The following CLMP variants were observed in gnomAD, a reference collection of about 807,000 sequenced individuals.
The protein encoded by CLMP is CXADR like cell adhesion molecule.
CLMP carries 27 observed loss-of-function variants against 45.2 expected under a neutral mutation model. The observed-to-expected ratio is 0.60, with a 90% CI of 0.44 to 0.82. The LOEUF is 0.82. Ranked by LOEUF, CLMP falls within the 40% of genes least tolerant of loss-of-function variation. The pLI is 0.00. For missense variants in CLMP, 403 were observed against 448.4 expected, an observed-to-expected ratio of 0.90 and a Z score of 0.91; for synonymous variants, 167 against 171.4, an observed-to-expected ratio of 0.97 and a Z score of 0.20.
rs545023101 is a variant in CLMP at position 123,128,928 on chromosome 11, G to T, written c.29-30976C>A. ...CCCATTTTATAGATGATGAAACTGAGGCTTAGGGAAGTCAAAGAAATTGAC... is the reference window on the plus strand; with the variant it reads ...CCCATTTTATAGATGATGAAACTGATGCTTAGGGAAGTCAAAGAAATTGAC... On this transcript the variant is annotated intron_variant, in intron 1 of 6. Transcript: ENST00000448775. Among the ~76,000 whole-genome samples, 9 of 152,190 alleles carry T rather than the reference G, an allele frequency of 5.9e-5. No individual in the cohort carries two copies. The East Asian group carries it at 1.7e-3, about 29-fold the overall frequency.
chr11:123,074,474 G>A (rs1056963776), intron 6 of CLMP, among the ~76,000 whole-genome samples: 3 of 151,972 alleles, frequency 2.0e-5, no homozygotes, highest in Non-Finnish European at 4.4e-5. Flanking sequence ...GACCTACCAC[G>A]CCCAGCCTAA....
In CLMP at chr11:123,097,890, C is replaced by G; in HGVS notation, c.91G>C (p.Val31Leu). ...TEIKRVAEEK[V>L]TLPCHHQLGL... ...AGTTGATGGTGGCAGGGCAAAGTGA[C>G]CTTTTCCTCTGCCACTCTCTTGATC... The change falls in exon 2 of 7, where the codon GTC becomes CTC. Residue 31 changes from valine to leucine, a missense_variant. Coordinates refer to ENST00000448775, the MANE Select transcript of CLMP (RefSeq NM_024769.5). The G allele has an allele frequency of 1.9e-6, 3 of 1,610,036 alleles. No homozygotes were observed. Among genetic ancestry groups the G allele is most frequent in the Non-Finnish European group, 2.5e-6 (3 of 1,178,222 alleles).
chr11:123,129,336 ATATATATAAAATATATCATATGATATAT>A (rs1296620822), intron 1 of CLMP, among the ~76,000 whole-genome samples: 13 of 144,636 alleles, frequency 9.0e-5, no homozygotes, highest in South Asian at 8.6e-4. Context: ...CTTAATATAC[ATATATATAAAATATATCATATGATATAT>A]TATATAAAAT....
rs1419250568 is a variant in CLMP, at chr11:123,195,110, G to A, written c.-170C>T. 1 of 392,194 alleles carries A rather than the reference G, an allele frequency of 2.5e-6. No homozygotes were observed. The highest frequency in any genetic ancestry group is 5.0e-5 in the Admixed American group (1 of 20,132). The allele number at this position is 392,194 out of a possible 1,614,324, so 24.3% of individuals were successfully genotyped here. On this transcript the variant is annotated 5_prime_UTR_variant, in exon 1 of 7. Coordinates refer to ENST00000448775, the MANE Select transcript of CLMP (RefSeq NM_024769.5). ...CGGCCCCGCGCCCCGTGCCCCTGGG[G>A]GCAGATGGGCTCCCGGCGCTCGCCC...
chr11:123,123,826 A>T (rs1860853710), intron 1 of CLMP, among the ~76,000 whole-genome samples: 1 of 152,172 alleles, frequency 6.6e-6, no homozygotes, highest in South Asian at 2.1e-4. Flanking sequence ...ACAGCACAAA[A>T]TTGACACTAC....
chr11:123,104,898 C>T (rs1860520801), intron 1 of CLMP, among the ~76,000 whole-genome samples: 1 of 152,216 alleles, frequency 6.6e-6, no homozygotes, highest in African/African-American at 2.4e-5. Context: ...GATGTCACGT[C>T]ACAAAACTAA....
chr11:123,141,856 A>C (rs1861166091), intron 1 of CLMP, among the ~76,000 whole-genome samples: 1 of 152,096 alleles, frequency 6.6e-6, no homozygotes, highest in Non-Finnish European at 1.5e-5. Flanking sequence ...AACGTTTTAT[A>C]ACTCCTTCGC....
At chr11:123,193,382 A>G (rs940005782) in intron 1 of CLMP, among the ~76,000 whole-genome samples, 65 of 152,262 alleles carry the variant, frequency 4.3e-4, no homozygotes, top group African/African-American at 1.4e-3. Flanking sequence ...GCTGTTTTTA[A>G]TAAGAGAGCC....
chr11:123,083,333 G>A, intron 4 of CLMP, 126 bp from the exon 5 acceptor site: 1 of 993,920 alleles, frequency 1.0e-6, no homozygotes, highest in Non-Finnish European at 1.5e-6. Context: ...TGATGGAAAA[G>A]ATATCCTTTG....
At chr11:123,145,155 T>C (rs1189794174) in intron 1 of CLMP, among the ~76,000 whole-genome samples, 1 of 152,220 alleles carries the variant, frequency 6.6e-6, no homozygotes, top group Non-Finnish European at 1.5e-5. Context: ...TAATTTCCCC[T>C]GTTTCTCTTT....
intron 1 of CLMP, among the ~76,000 whole-genome samples, chr11:123,186,195 T>C (rs1210161148): frequency 6.6e-6 from 1 of 152,254 alleles, no homozygotes; most frequent in Non-Finnish European, 1.5e-5. Flanking sequence ...GGGACAATAA[T>C]ACCAATCTCA....
chr11:123,099,447 G>C (rs530974268), intron 1 of CLMP, among the ~76,000 whole-genome samples: 1 of 152,120 alleles, frequency 6.6e-6, no homozygotes, highest in Admixed American at 6.6e-5. Flanking sequence ...TTAATTATAG[G>C]GTTCAGGAAA....
chr11:123,074,930 G>C, intron 5 of CLMP, 87 bp from the exon 6 acceptor site: 2 of 1,403,484 alleles, frequency 1.4e-6, no homozygotes, highest in Non-Finnish European at 1.9e-6. Context: ...GCTCTGGACA[G>C]AATGAGTATT....
At chr11:123,105,172 A>G (rs765360937) in intron 1 of CLMP, among the ~76,000 whole-genome samples, 2 of 152,236 alleles carry the variant, frequency 1.3e-5, no homozygotes, top group Non-Finnish European at 2.9e-5. Context: ...ATTAAAGAAG[A>G]CACTGAGGAA....
At chr11:123,108,902 A>C (rs1053750023) in intron 1 of CLMP, among the ~76,000 whole-genome samples, 3 of 152,030 alleles carry the variant, frequency 2.0e-5, no homozygotes, top group Admixed American at 6.6e-5. Flanking sequence ...TCTACTAAAA[A>C]TACAAAATTA....
intron 5 of CLMP, among the ~76,000 whole-genome samples, chr11:123,075,965 GAGTTCGAGACCGGCCTGGC>G (rs1305310277): frequency 3.3e-5 from 5 of 152,226 alleles, no homozygotes; most frequent in Non-Finnish European, 5.9e-5. Flanking sequence ...TTGAGGTCAG[GAGTTCGAGACCGGCCTGGC>G]CAACATGGCA....
chr11:123,178,024 G>C (rs1456167594), intron 1 of CLMP, among the ~76,000 whole-genome samples: 4 of 151,916 alleles, frequency 2.6e-5, no homozygotes, highest in Non-Finnish European at 2.9e-5. Flanking sequence ...CACTATGCTG[G>C]GCTAATTTTT....
chr11:123,110,060 T>G (rs1004665202), intron 1 of CLMP, among the ~76,000 whole-genome samples: 4 of 152,144 alleles, frequency 2.6e-5, no homozygotes, highest in African/African-American at 9.7e-5. Flanking sequence ...AAGTAATAGG[T>G]TTACTGCATT....
rs1005422523 is a variant in CLMP, at chr11:123,130,343, T to A, written c.29-32391A>T. 1.5e-3 allele frequency among the ~76,000 whole-genome samples: 232 copies of A among 152,210 alleles called. 5 individuals are homozygous for A. The highest frequency in any genetic ancestry group is 0.015 in the Admixed American group (232 of 15,268). On this transcript the variant is annotated intron_variant, in intron 1 of 6. Coordinates refer to ENST00000448775, the MANE Select transcript of CLMP (RefSeq NM_024769.5). ...GTCACCGTGGTCTGGTAGAGCTCCC[T>A]GGGAGGTGCTGGGAAATGGCCCCAG...
Sources: allele counts gnomAD v4.1 joint callset (sites outside exome capture counted in the v4.1 genomes callset), GRCh38; gene constraint gnomAD v4.1.1; transcripts MANE v1.5; gene names NCBI Gene and HGNC (gene_info 2026-07-23, HGNC 2026-07-21).